The following PCMT1 variants were observed in gnomAD, a reference collection of about 807,000 sequenced individuals.
PCMT1 encodes protein-L-isoaspartate (D-aspartate) O-methyltransferase.
A neutral mutation model predicts 29.2 loss-of-function variants in PCMT1; 9 were observed. The observed-to-expected ratio is 0.31, with a 90% CI of 0.19 to 0.54. PCMT1 has a LOEUF of 0.54. Ranked by LOEUF, PCMT1 falls within the 20% of genes least tolerant of loss-of-function variation. The pLI, the probability that PCMT1 is intolerant of heterozygous loss-of-function variation, is 0.95. For synonymous variants in PCMT1, 98 were observed against 97.5 expected (o/e 1.00, Z -0.03); for missense variants, 184 against 282.2 (o/e 0.65, Z 2.49).
At chr6:149,765,649 A>AT (rs747692806) in intron 1 of PCMT1, 1 of 373,888 alleles carries the variant, frequency 2.7e-6, no homozygotes, top group South Asian at 2.0e-5. Flanking sequence ...AATTGACCTT[A>AT]TTTTTTTATT....
chr6:149,787,253 CAGAGGGAGACCGTGGAAAG>C (rs1292654645), intron 3 of PCMT1, among the ~76,000 whole-genome samples: 21 of 100,916 alleles, frequency 2.1e-4, no homozygotes, highest in East Asian at 8.2e-4. Flanking sequence ...GGCTCGGCAT[CAGAGGGAGACCGTGGAAAG>C]AGAGGGAGAC....
At chr6:149,776,964 T>C (rs1332498477) in intron 3 of PCMT1, among the ~76,000 whole-genome samples, 3 of 152,204 alleles carry the variant, frequency 2.0e-5, no homozygotes, top group Non-Finnish European at 4.4e-5. Context: ...TCCCATAATA[T>C]ATACATGAGT....
At chr6:149,795,220 T>A (rs1181238863) in intron 5 of PCMT1, 1 of 375,006 alleles carries the variant, frequency 2.7e-6, no homozygotes. Context: ...AATGTTAACT[T>A]CTCCAACACG....
intron 7 of PCMT1, among the ~76,000 whole-genome samples, chr6:149,806,089 C>T (rs1311758687): frequency 1.3e-5 from 2 of 151,956 alleles, no homozygotes; most frequent in Non-Finnish European, 1.5e-5. Flanking sequence ...TATTTTTCAG[C>T]GTGAGGATCT....
Position 149,773,171 on chromosome 6 carries a change from T to G in PCMT1, c.192+2T>G. ...GCAACAATCAGTGCTCCACACATGG[T>G]AAGTTAAGTTTGTTCACTTGGTTAC... On this transcript the variant is annotated splice_donor_variant, in intron 3 of 7. Transcript: ENST00000464889. LOFTEE classifies it high-confidence loss of function. 6.2e-7 allele frequency: 1 copy of G among 1,607,866 alleles called. No individual in the cohort carries two copies. Among genetic ancestry groups the G allele is most frequent in the Non-Finnish European group, 8.5e-7 (1 of 1,175,206 alleles).
chr6:149,780,920 G>C (rs1345382524), intron 3 of PCMT1, among the ~76,000 whole-genome samples: 1 of 152,096 alleles, frequency 6.6e-6, no homozygotes, highest in Non-Finnish European at 1.5e-5. Flanking sequence ...TTGTGGAATG[G>C]CCAAACCGTT....
chr6:149,802,203 A>G lies in PCMT1; in HGVS notation c.508A>G (p.Ile170Val). 6.3e-7 allele frequency: 1 copy of G among 1,581,674 alleles called. No homozygotes were observed. Among genetic ancestry groups the G allele is most frequent in the Non-Finnish European group, 8.6e-7 (1 of 1,165,944 alleles). The change falls in exon 7 of 8, where the codon ATA becomes GTA. Residue 170 changes from isoleucine (I) to valine (V), a missense_variant. Coordinates refer to ENST00000464889, the MANE Select transcript of PCMT1 (RefSeq NM_001360452.2). ...TGCTTTTTTTTTTTTCTTTTAGCTAATAGATCAGTTAAAGCCCGGAGGAAG... is the reference window on the plus strand; with the variant it reads ...TGCTTTTTTTTTTTTCTTTTAGCTAGTAGATCAGTTAAAGCCCGGAGGAAG... ...AAAPVVPQAL[I>V]DQLKPGGRLI...
intron 7 of PCMT1, among the ~76,000 whole-genome samples, chr6:149,802,780 G>A (rs186460082): frequency 1.3e-5 from 2 of 152,090 alleles, no homozygotes; most frequent in African/African-American, 2.4e-5. Context: ...GAGGCCAGGC[G>A]GAGTGGCTCA....
intron 3 of PCMT1, among the ~76,000 whole-genome samples, chr6:149,781,190 G>GTTTTTTTTT (rs1267846983): frequency 2.0e-5 from 1 of 51,010 alleles, no homozygotes. Context: ...CCCCTTTCTT[G>GTTTTTTTTT]TTTTTTTTTT....
Position 149,800,423 on chromosome 6 carries a change from C to T in PCMT1, c.505-1777C>T, listed in dbSNP as rs1290725377. On this transcript the variant is annotated intron_variant, in intron 6 of 7. Transcript: ENST00000464889. ...GGCGGAGGTTGCAGTGAGCCGAGAT[C>T]GTGCCACTGCACTCCAGCCTGGGTG... is the stretch of plus-strand genomic sequence containing the variant. 1.1e-4 allele frequency among the ~76,000 whole-genome samples: 17 copies of T among 151,926 alleles called. No individual in the cohort carries two copies. The East Asian group carries it at 1.7e-3, about 16-fold the overall frequency.
chr6:149,804,690 AGG>A (rs1775955834), intron 7 of PCMT1, among the ~76,000 whole-genome samples: 1 of 151,790 alleles, frequency 6.6e-6, no homozygotes, highest in Non-Finnish European at 1.5e-5. Flanking sequence ...TTAGTAGAGA[AGG>A]GGTTTCACCA....
intron 3 of PCMT1, among the ~76,000 whole-genome samples, chr6:149,789,105 G>A (rs1397395246): frequency 1.7e-5 from 2 of 119,570 alleles, no homozygotes; most frequent in Non-Finnish European, 3.2e-5. Flanking sequence ...ATGGAGTCTC[G>A]CTCTGTTACA....
intron 3 of PCMT1, among the ~76,000 whole-genome samples, chr6:149,775,976 A>G (rs1015419974): frequency 1.3e-5 from 2 of 152,106 alleles, no homozygotes; most frequent in African/African-American, 4.8e-5. Context: ...CCTCACCAAC[A>G]TGGAGAAACC....
At chr6:149,786,014 G>A (rs575134877) in intron 3 of PCMT1, among the ~76,000 whole-genome samples, 4 of 148,030 alleles carry the variant, frequency 2.7e-5, no homozygotes, top group Admixed American at 6.7e-5. Flanking sequence ...CCTCCCGGAC[G>A]GGGCGGCTGG....
intron 6 of PCMT1, among the ~76,000 whole-genome samples, chr6:149,800,311 C>T (rs2115334865): frequency 6.6e-6 from 1 of 151,672 alleles, no homozygotes; most frequent in African/African-American, 2.4e-5. Context: ...ATTAAAAATA[C>T]AAAAAAAATT....
chr6:149,757,617 A>G (rs1786560107), intron 1 of PCMT1, among the ~76,000 whole-genome samples: 1 of 152,222 alleles, frequency 6.6e-6, no homozygotes, highest in Non-Finnish European at 1.5e-5. Context: ...AACCAGGACA[A>G]ATGGGAGGCA....
In PCMT1 at chr6:149,802,399, T is replaced by A. The variant is rs201665205; in HGVS notation, c.*20T>A. ...AAGTGATTTTATCTTCTGCTCTTTC[T>A]TCTTCCACACATGCAAGGTGAAAGG... On this transcript the variant is annotated 3_prime_UTR_variant, in exon 7 of 8. Transcript: ENST00000464889. The A allele has an allele frequency of 6.8e-5, 108 of 1,593,692 alleles. No individual in the cohort carries two copies. The highest frequency in any genetic ancestry group is 8.6e-5 in the Non-Finnish European group (101 of 1,167,762).
chr6:149,755,699 A>G (rs1786479118), intron 1 of PCMT1, among the ~76,000 whole-genome samples: 1 of 152,190 alleles, frequency 6.6e-6, no homozygotes, highest in South Asian at 2.1e-4. Context: ...TTTGTCATTT[A>G]GTCAGCTGAT....
At chr6:149,770,389 T>C (rs1246358535) in intron 1 of PCMT1, among the ~76,000 whole-genome samples, 1 of 152,112 alleles carries the variant, frequency 6.6e-6, no homozygotes, top group African/African-American at 2.4e-5. Context: ...ATTATCCTTC[T>C]AGTTTTCTGT....
Sources: allele counts gnomAD v4.1 joint callset (sites outside exome capture counted in the v4.1 genomes callset), GRCh38; gene constraint gnomAD v4.1.1; transcripts MANE v1.5; gene names NCBI Gene and HGNC (gene_info 2026-07-23, HGNC 2026-07-21).